Variants in PDGFA observed in about 807,000 individuals in gnomAD.
PDGFA encodes platelet-derived growth factor subunit A.
PDGFA carries 9 observed loss-of-function variants against 25.6 expected under a neutral mutation model. The observed-to-expected ratio is 0.35, with a 90% CI of 0.21 to 0.61. The LOEUF (loss-of-function observed/expected upper bound fraction) is 0.61. PDGFA is among the 20% of genes least tolerant of loss of function. The probability of loss-of-function intolerance (pLI) is 0.75; values close to 1 mark genes in which losing one functional copy is unlikely to be tolerated. For missense variants in PDGFA, 242 were observed against 272.8 expected, an observed-to-expected ratio of 0.89 and a Z score of 0.79; for synonymous variants, 133 against 111.8, an observed-to-expected ratio of 1.19 and a Z score of -1.20.
chr7:499,865 T>C (rs1276182794), intron 5 of PDGFA, among the ~76,000 whole-genome samples: 3 of 151,828 alleles, frequency 2.0e-5, no homozygotes, highest in African/African-American at 7.3e-5. Context: ...ACCTCAAGAC[T>C]ACCCTCCCTG....
upstream of PDGFA, among the ~76,000 whole-genome samples, chr7:519,781 G>A (rs1207728737): frequency 1.3e-5 from 2 of 148,196 alleles, no homozygotes; most frequent in African/African-American, 4.9e-5. Context: ...CGCCGGGAGA[G>A]GAGGAGGAGG....
At chr7:509,865 C>T (rs1432500850) in intron 4 of PDGFA, among the ~76,000 whole-genome samples, 2 of 152,184 alleles carry the variant, frequency 1.3e-5, no homozygotes. Context: ...GGCACCACCC[C>T]CAACTTAAAG....
chr7:516,958 T>TCCGC (rs1482388695), intron 2 of PDGFA, among the ~76,000 whole-genome samples: 17 of 151,454 alleles, frequency 1.1e-4, no homozygotes, highest in African/African-American at 3.1e-4. Flanking sequence ...GGGGGCCGCC[T>TCCGC]CCGCCCGCCC....
chr7:499,228 A>G (rs9719531), intron 5 of PDGFA, among the ~76,000 whole-genome samples: 1 of 152,156 alleles, frequency 6.6e-6, no homozygotes, highest in Non-Finnish European at 1.5e-5. Context: ...AAAACCACCC[A>G]CCAGGCCACA....
intron 2 of PDGFA, 167 bp from the exon 3 acceptor site, chr7:512,622 C>A (rs774546412): frequency 1.3e-6 from 2 of 1,535,068 alleles, no homozygotes; most frequent in African/African-American, 2.7e-5. Flanking sequence ...AGGAGAACCT[C>A]GATTCCCACC....
At chr7:518,109 C>T (rs2128408198) in intron 1 of PDGFA, among the ~76,000 whole-genome samples, 1 of 152,290 alleles carries the variant, frequency 6.6e-6, no homozygotes, top group African/African-American at 2.4e-5. Context: ...ACGCCCAAAT[C>T]CAGCCGGCGG....
At chr7:518,986 A>C (rs1196939597) in exon 1 of PDGFA, 2 of 1,541,446 alleles carry the variant, frequency 1.3e-6, no homozygotes, top group Non-Finnish European at 1.7e-6. Context: ...AGCAGCAGGC[A>C]AGCCAAGGTC....
At chr7:498,256 C>G in exon 6 of PDGFA, 1 of 440,102 alleles carries the variant, frequency 2.3e-6, no homozygotes, top group South Asian at 2.9e-5. Context: ...TCCATCTCAT[C>G]GAGTTTAGAT....
chr7:512,815 G>A (rs1782923624), intron 2 of PDGFA: 1 of 452,030 alleles, frequency 2.2e-6, no homozygotes. Flanking sequence ...CCCCGGGGCA[G>A]GAGGGGCCTG....
intron 5 of PDGFA, among the ~76,000 whole-genome samples, chr7:499,817 G>A (rs1320668861): frequency 2.7e-5 from 4 of 149,304 alleles, no homozygotes; most frequent in Middle Eastern, 3.4e-3. Flanking sequence ...AACTGCAGAT[G>A]GATGCCACTA....
chr7:502,048 G>A (rs773087407), intron 4 of PDGFA, among the ~76,000 whole-genome samples: 4 of 152,128 alleles, frequency 2.6e-5, no homozygotes, highest in Non-Finnish European at 5.9e-5. Context: ...AACATAGTAA[G>A]ACCCTGCCTC....
At chr7:511,286 TG>T (rs1782824854) in intron 3 of PDGFA, among the ~76,000 whole-genome samples, 3 of 26,882 alleles carry the variant, frequency 1.1e-4, no homozygotes, top group Admixed American at 9.6e-4. Flanking sequence ...GGCCAGTGGC[TG>T]GGGGTGGGGA....
chr7:498,815 C>A (rs1782204152), intron 5 of PDGFA, among the ~76,000 whole-genome samples: 1 of 152,208 alleles, frequency 6.6e-6, no homozygotes, highest in Admixed American at 6.5e-5. Flanking sequence ...AGAGACCAAG[C>A]CCCATTCTCC....
chr7:517,240 A>T lies in PDGFA; in HGVS notation c.160+154T>A, dbSNP rs1165219967. Reference sequence around the variant, plus strand: ...AGAGAAAGTGGAGACTGGAAGAGAAACTCCTGACTCATCCGCCCGGGCGCT... The same window carrying T: ...AGAGAAAGTGGAGACTGGAAGAGAATCTCCTGACTCATCCGCCCGGGCGCT... On this transcript the variant is annotated intron_variant, in intron 2 of 5. Transcript: ENST00000402802. The surrounding 1 kb of genome is among the most constrained non-coding windows in gnomAD (Gnocchi z 7.4). Among the ~76,000 whole-genome samples the T allele has an allele frequency of 6.7e-6, 1 of 149,888 alleles. No homozygotes were observed.
chr7:509,247 C>T (rs547254877), intron 4 of PDGFA, among the ~76,000 whole-genome samples: 6 of 152,228 alleles, frequency 3.9e-5, no homozygotes, highest in Non-Finnish European at 7.3e-5. Context: ...ATGAAGGGGA[C>T]GGCGTTAGGA....
Position 500,334 on chromosome 7 carries a change from C to T in PDGFA, c.580+782G>A, listed in dbSNP as rs1374763050. The T allele has an allele frequency of 2.6e-5, 36 of 1,380,276 alleles. No homozygotes were observed. In the East Asian group the frequency reaches 4.2e-4, roughly 16 times the overall value. The allele number at this position is 1,380,276 out of a possible 1,614,324, so 85.5% of individuals were successfully genotyped here. On this transcript the variant is annotated intron_variant, in intron 5 of 5. Coordinates refer to ENST00000402802, the Ensembl canonical transcript of PDGFA. This position sits in a 1 kb window ranked among gnomAD's most constrained non-coding sequence, Gnocchi z 5.0. ...AGGCCAATCAGGGCCACATCCCCGC[C>T]GCACCCGGCGAGACAGGAAGCGTGA...
At position 500,705 on chromosome 7, in the gene PDGFA, G is replaced by A. The variant is rs148606625; in HGVS notation, c.580+411C>T. ...GCCATTCTGCTCCTGGGTGGAGTCC[G>A]CGTGGCGGGGTGAAGGAGAGACCCC... On this transcript the variant is annotated intron_variant, in intron 5 of 5. Transcript: ENST00000402802. The surrounding 1 kb of genome is among the most constrained non-coding windows in gnomAD (Gnocchi z 5.0). The A allele has an allele frequency of 9.6e-3, 13,878 of 1,441,492 alleles. 1,150 individuals carry two copies. In the East Asian group the frequency reaches 0.18, roughly 19 times the overall value. The allele number at this position is 1,441,492 out of a possible 1,614,324, so 89.3% of individuals were successfully genotyped here.
intron 3 of PDGFA, 60 bp from the exon 4 acceptor site, chr7:511,056 G>C: frequency 7.2e-7 from 1 of 1,386,750 alleles, no homozygotes; most frequent in African/African-American, 1.4e-5. Flanking sequence ...CCCCACCCCA[G>C]GGCTGAGGCG....
intron 4 of PDGFA, among the ~76,000 whole-genome samples, chr7:504,077 C>A (rs938980591): frequency 2.0e-5 from 3 of 152,152 alleles, no homozygotes; most frequent in African/African-American, 7.2e-5. Context: ...TCACACCCAC[C>A]CAGGAGTTGA....
Sources: gnomAD v4.1 joint callset for allele counts (sites outside exome capture counted in the v4.1 genomes callset) on GRCh38, gnomAD v4.1.1 for gene constraint, Gnocchi (gnomAD v3.1) non-coding constraint, MANE v1.5 for transcripts, NCBI Gene and HGNC (gene_info 2026-07-23, HGNC 2026-07-21) for gene names.